DTNBP1: variants seen among roughly 807,000 people sequenced by gnomAD.
The protein encoded by DTNBP1 is dysbindin.
In DTNBP1, 35 loss-of-function variants were observed where a neutral mutation model predicts 42.8. The ratio of observed to expected loss-of-function variants is 0.82; its 90% CI spans 0.63 to 1.09. DTNBP1 has a LOEUF of 1.09. DTNBP1 is among the 50% of genes least tolerant of loss of function. The pLI, the probability that DTNBP1 is intolerant of heterozygous loss-of-function variation, is 0.00. For synonymous variants in DTNBP1, 171 were observed against 162.2 expected (o/e 1.05, Z -0.41); for missense variants, 457 against 424.2 (o/e 1.08, Z -0.68).
At chr6:15,542,499 G>A (rs528888274) in intron 7 of DTNBP1, among the ~76,000 whole-genome samples, 8 of 152,106 alleles carry the variant, frequency 5.3e-5, no homozygotes, top group Admixed American at 2.0e-4. Flanking sequence ...AGCCTCCTGA[G>A]TAGCTGGGAT....
chr6:15,544,295 C>T (rs150862113), intron 7 of DTNBP1, among the ~76,000 whole-genome samples: 1 of 152,202 alleles, frequency 6.6e-6, no homozygotes, highest in African/African-American at 2.4e-5. Context: ...ATGGATGTAC[C>T]ACAGTTTGTT....
intron 1 of DTNBP1, among the ~76,000 whole-genome samples, chr6:15,658,498 A>G (rs555975634): frequency 6.6e-6 from 1 of 152,190 alleles, no homozygotes; most frequent in East Asian, 1.9e-4. Flanking sequence ...TGAGGGGGAA[A>G]CACCCTCTAG....
At chr6:15,575,103 A>C (rs900657267) in intron 7 of DTNBP1, among the ~76,000 whole-genome samples, 2 of 152,228 alleles carry the variant, frequency 1.3e-5, no homozygotes, top group Non-Finnish European at 2.9e-5. Context: ...AATCCACTAC[A>C]GGAAAGCCAA....
intron 5 of DTNBP1, among the ~76,000 whole-genome samples, 170 bp downstream of exon 5, chr6:15,627,173 A>G (rs1047119408): frequency 2.6e-5 from 4 of 152,188 alleles, no homozygotes; most frequent in Non-Finnish European, 5.9e-5. Context: ...TACACTTTAC[A>G]TCATTTTCTG....
rs1222379491 is a variant in DTNBP1, at chr6:15,615,262, C to T, written c.488+5G>A. 3.1e-6 allele frequency: 5 copies of T among 1,614,080 alleles called. No homozygotes were observed. The East Asian group carries it at 1.1e-4, about 36-fold the overall frequency. Reference sequence around the variant, plus strand: ...TGAATACTGTGGCAAACTTTTCAAACTCACCTCTTATTTTTCTTGTAATTC... The same window carrying T: ...TGAATACTGTGGCAAACTTTTCAAATTCACCTCTTATTTTTCTTGTAATTC... On this transcript the variant is annotated splice_donor_5th_base_variant and intron_variant, in intron 6 of 9. Coordinates refer to ENST00000344537, the MANE Select transcript of DTNBP1 (RefSeq NM_032122.5).
At chr6:15,625,485 ATT>A (rs1759287286) in intron 5 of DTNBP1, among the ~76,000 whole-genome samples, 1 of 152,244 alleles carries the variant, frequency 6.6e-6, no homozygotes, top group Non-Finnish European at 1.5e-5. Flanking sequence ...TACCTTGTGC[ATT>A]TAAGAAGCCA....
chr6:15,638,914 CCTCAACCTCTTGGA>C (rs1760183308), intron 3 of DTNBP1, among the ~76,000 whole-genome samples: 1 of 150,936 alleles, frequency 6.6e-6, no homozygotes, highest in Non-Finnish European at 1.5e-5. Flanking sequence ...CTCACTGCAG[CCTCAACCTCTTGGA>C]CTCAAGTGAT....
At chr6:15,615,934 T>C (rs1489247834) in intron 5 of DTNBP1, among the ~76,000 whole-genome samples, 1 of 152,224 alleles carries the variant, frequency 6.6e-6, no homozygotes, top group East Asian at 1.9e-4. Flanking sequence ...GGCTACTCAG[T>C]GGTTGGGTGA....
At chr6:15,542,333 G>T (rs1305686531) in intron 7 of DTNBP1, among the ~76,000 whole-genome samples, 1 of 152,080 alleles carries the variant, frequency 6.6e-6, no homozygotes, top group African/African-American at 2.4e-5. Context: ...CTGTCAATGT[G>T]ACAGATTTTA....
At chr6:15,585,659 G>A in intron 7 of DTNBP1, 2 of 1,513,862 alleles carry the variant, frequency 1.3e-6, no homozygotes, top group Non-Finnish European at 1.8e-6. Flanking sequence ...ATCCAGGCAT[G>A]GAAATAAACA....
At chr6:15,648,711 AAAC>A (rs1760823597) in intron 3 of DTNBP1, among the ~76,000 whole-genome samples, 1 of 152,090 alleles carries the variant, frequency 6.6e-6, no homozygotes, top group African/African-American at 2.4e-5. Context: ...GAAAACTACT[AAAC>A]AATACTGAAA....
chr6:15,621,675 C>T (rs549421242), intron 5 of DTNBP1, among the ~76,000 whole-genome samples: 2 of 152,336 alleles, frequency 1.3e-5, no homozygotes, highest in South Asian at 2.1e-4. Context: ...GCTTCACAGG[C>T]TCCCCAGCCC....
intron 7 of DTNBP1, among the ~76,000 whole-genome samples, chr6:15,574,847 A>G (rs1775496632): frequency 6.6e-6 from 1 of 152,218 alleles, no homozygotes; most frequent in South Asian, 2.1e-4. Context: ...AGCTTTCCCA[A>G]TATTCTTCAA....
intron 1 of DTNBP1, 108 bp from the exon 2 acceptor site, chr6:15,652,248 C>T (rs775866621): frequency 1.1e-5 from 9 of 812,772 alleles, no homozygotes; most frequent in Admixed American, 7.2e-5. Flanking sequence ...GTGACATGTA[C>T]ATTACTCACT....
In DTNBP1 at chr6:15,615,419, A is replaced by G; in HGVS notation, c.356-20T>C. The G allele has an allele frequency of 6.2e-7, 1 of 1,613,198 alleles. No individual in the cohort carries two copies. The highest frequency in any genetic ancestry group is 1.1e-5 in the South Asian group (1 of 91,078). Reference sequence around the variant, plus strand: ...AATGAGCTGAAAGTATATAAAAATAAACAGACCTCAAAAGTCAGAATCCTC... The same window carrying G: ...AATGAGCTGAAAGTATATAAAAATAGACAGACCTCAAAAGTCAGAATCCTC... On this transcript the variant is annotated intron_variant, in intron 5 of 9. Coordinates refer to ENST00000344537, the MANE Select transcript of DTNBP1 (RefSeq NM_032122.5).
At chr6:15,546,858 A>G (rs1396444133) in intron 7 of DTNBP1, among the ~76,000 whole-genome samples, 2 of 152,180 alleles carry the variant, frequency 1.3e-5, no homozygotes, top group African/African-American at 4.8e-5. Flanking sequence ...TATGTTGACA[A>G]AGATGCTTTT....
intron 7 of DTNBP1, among the ~76,000 whole-genome samples, chr6:15,582,381 G>A (rs1464482248): frequency 6.6e-6 from 1 of 152,136 alleles, no homozygotes. Context: ...ATCTCACAGG[G>A]TTGTTTTGAT....
rs1287490323 is a variant in DTNBP1 at position 15,523,996 on chromosome 6, C to T, written c.811+530G>A. ...GCACCAAGCCCAGGTACAGGTCTGG[C>T]ACCTCAGCCCATATTTGCTGCATGA... On this transcript the variant is annotated intron_variant, in intron 9 of 9. Transcript: ENST00000344537. 22 of 1,288,206 alleles carry T rather than the reference C, an allele frequency of 1.7e-5. No individual in the cohort carries two copies. The Admixed American group carries it at 2.1e-4, about 12-fold the overall frequency. The allele number at this position is 1,288,206 out of a possible 1,614,324, so 79.8% of individuals were successfully genotyped here. A position where few individuals can be genotyped will look rare whatever the true frequency, so the allele number is the denominator to read the frequency against.
chr6:15,535,221 A>G lies in DTNBP1; in HGVS notation c.512-1826T>C, dbSNP rs138073188. ...GCTCATACTCTCCACCTTGTGAAGG[A>G]GCCTGCTTCCCCTTCTGCCATGATC... On this transcript the variant is annotated intron_variant, in intron 7 of 9. Coordinates refer to ENST00000344537, the MANE Select transcript of DTNBP1 (RefSeq NM_032122.5). 4.5e-3 allele frequency among the ~76,000 whole-genome samples: 692 copies of G among 152,174 alleles called. 4 individuals are homozygous for G. The highest frequency in any genetic ancestry group is 0.016 in the African/African-American group (665 of 41,536).
Sources: allele counts gnomAD v4.1 joint callset (sites outside exome capture counted in the v4.1 genomes callset), GRCh38; gene constraint gnomAD v4.1.1; transcripts MANE v1.5; gene names NCBI Gene and HGNC (gene_info 2026-07-23, HGNC 2026-07-21).